CDK5RAP2: variants seen among roughly 807,000 people sequenced by gnomAD.
CDK5RAP2 encodes the protein CDK5 regulatory subunit associated protein 2.
CDK5RAP2 carries 147 observed loss-of-function variants against 232.9 expected under a neutral mutation model. The ratio of observed to expected loss-of-function variants is 0.63; its 90% CI spans 0.55 to 0.72. CDK5RAP2 has a LOEUF of 0.72. CDK5RAP2 is among the 30% of genes least tolerant of loss of function. CDK5RAP2 has a pLI of 0.00. For synonymous variants in CDK5RAP2, 833 were observed against 833.7 expected (o/e 1.00, Z 0.01); for missense variants, 2,195 against 2,231.5 (o/e 0.98, Z 0.33).
chr9:120,566,393 G>C (rs1303788954), intron 3 of CDK5RAP2, among the ~76,000 whole-genome samples: 1 of 152,112 alleles, frequency 6.6e-6, no homozygotes, highest in East Asian at 1.9e-4. Context: ...AAGGACTACA[G>C]TCATAAAGAA....
intron 1 of CDK5RAP2, among the ~76,000 whole-genome samples, chr9:120,575,799 T>A (rs913673398): frequency 2.0e-5 from 3 of 152,190 alleles, no homozygotes; most frequent in Non-Finnish European, 4.4e-5. Flanking sequence ...TGTTTTTACA[T>A]AGATAGTTTC....
Position 120,514,577 on chromosome 9 carries a change from T to C in CDK5RAP2, c.1311+3850A>G, listed in dbSNP as rs142906730. On this transcript the variant is annotated intron_variant, in intron 12 of 37. Transcript: ENST00000349780. ...AGTCCAGCCACTTGGAACTGTAGTA[T>C]GGATGCAAGAAAAAGAAGCCAGCTC... Among the ~76,000 whole-genome samples the C allele has an allele frequency of 1.8e-3, 276 of 152,306 alleles. 2 individuals are homozygous for C. The highest frequency in any genetic ancestry group is 1.7e-3 in the Non-Finnish European group (114 of 68,030).
chr9:120,488,973 C>T (rs893524221), intron 13 of CDK5RAP2, among the ~76,000 whole-genome samples: 5 of 152,198 alleles, frequency 3.3e-5, no homozygotes, highest in African/African-American at 1.2e-4. Flanking sequence ...GTTATTCTCT[C>T]CCATTTGGTG....
intron 8 of CDK5RAP2, 70 bp from the exon 9 acceptor site, chr9:120,528,867 T>A: frequency 9.2e-7 from 1 of 1,084,060 alleles, no homozygotes; most frequent in African/African-American, 1.5e-5. Context: ...ACAATTAGAA[T>A]GAGCACGTCC....
chr9:120,441,039 AG>A (rs1441117582), intron 23 of CDK5RAP2, among the ~76,000 whole-genome samples: 1 of 152,186 alleles, frequency 6.6e-6, no homozygotes, highest in Admixed American at 6.5e-5. Context: ...AAGAATATGA[AG>A]TTTGAAGGCC....
intron 22 of CDK5RAP2, among the ~76,000 whole-genome samples, chr9:120,447,571 C>A (rs1028264794): frequency 6.6e-6 from 1 of 152,240 alleles, no homozygotes; most frequent in Admixed American, 6.5e-5. Context: ...TCTGATGCCA[C>A]ACGCCAGAGG....
chr9:120,513,347 C>G (rs1016936023), intron 12 of CDK5RAP2, among the ~76,000 whole-genome samples: 1 of 152,198 alleles, frequency 6.6e-6, no homozygotes, highest in African/African-American at 2.4e-5. Flanking sequence ...ACTGGCATAG[C>G]CAACCCTACC....
At chr9:120,421,761 T>C (rs1015113357) in intron 26 of CDK5RAP2, among the ~76,000 whole-genome samples, 2 of 152,222 alleles carry the variant, frequency 1.3e-5, no homozygotes, top group Non-Finnish European at 2.9e-5. Flanking sequence ...GCCAGCAACT[T>C]GGAGCTGGAG....
chr9:120,430,875 A>G (rs1202023322), intron 25 of CDK5RAP2, among the ~76,000 whole-genome samples: 2 of 152,360 alleles, frequency 1.3e-5, no homozygotes, highest in East Asian at 1.9e-4. Flanking sequence ...ATGTCCAACA[A>G]TGATAGACTG....
intron 12 of CDK5RAP2, among the ~76,000 whole-genome samples, chr9:120,492,549 T>C (rs139267890): frequency 6.6e-6 from 1 of 152,068 alleles, no homozygotes; most frequent in Admixed American, 6.6e-5. Flanking sequence ...AAAAATCCCA[T>C]AAAACTGAAA....
intron 21 of CDK5RAP2, among the ~76,000 whole-genome samples, chr9:120,449,357 A>G (rs565480482): frequency 1.2e-3 from 181 of 152,318 alleles, no homozygotes; most frequent in African/African-American, 4.3e-3. Context: ...TGTCCCCTAC[A>G]TATCCCCTCA....
At chr9:120,578,301 G>A (rs2043110680) in intron 1 of CDK5RAP2, among the ~76,000 whole-genome samples, 1 of 152,126 alleles carries the variant, frequency 6.6e-6, no homozygotes, top group Non-Finnish European at 1.5e-5. Context: ...TTTTCAAATT[G>A]TAGTATAAAA....
chr9:120,579,082 T>A (rs1192074880), intron 1 of CDK5RAP2, among the ~76,000 whole-genome samples: 2 of 152,156 alleles, frequency 1.3e-5, no homozygotes, highest in African/African-American at 2.4e-5. Flanking sequence ...TTGCGCTCTG[T>A]TAGGCCTTCC....
At chr9:120,418,022 T>C (rs2034339431) in intron 27 of CDK5RAP2, among the ~76,000 whole-genome samples, 2 of 152,190 alleles carry the variant, frequency 1.3e-5, no homozygotes, top group Admixed American at 6.5e-5. Flanking sequence ...TGATGTTATG[T>C]AATAACATGT....
At chr9:120,400,959 T>G in intron 34 of CDK5RAP2, 74 bp from the exon 35 acceptor site, 1 of 1,546,788 alleles carries the variant, frequency 6.5e-7, no homozygotes, top group Non-Finnish European at 8.9e-7. Context: ...TAACATGCAG[T>G]ATAAATCTCC....
intron 15 of CDK5RAP2, among the ~76,000 whole-genome samples, chr9:120,472,613 CA>C (rs1324211679): frequency 6.6e-6 from 1 of 152,190 alleles, no homozygotes; most frequent in Non-Finnish European, 1.5e-5. Context: ...AAAAAAACTC[CA>C]CTGTGGTGGG....
At chr9:120,439,307 G>T in intron 24 of CDK5RAP2, 92 bp downstream of exon 24, 1 of 1,066,310 alleles carries the variant, frequency 9.4e-7, no homozygotes. Flanking sequence ...CCATCACAGA[G>T]TAGTGTTCTC....
At chr9:120,522,878 A>G (rs1025318196) in intron 11 of CDK5RAP2, among the ~76,000 whole-genome samples, 1 of 152,234 alleles carries the variant, frequency 6.6e-6, no homozygotes, top group Non-Finnish European at 1.5e-5. Flanking sequence ...ATTTACAAGT[A>G]TCTGTGCACC....
chr9:120,489,278 C>CT (rs1365740739), intron 13 of CDK5RAP2, among the ~76,000 whole-genome samples: 1 of 152,220 alleles, frequency 6.6e-6, no homozygotes, highest in Admixed American at 6.5e-5. Context: ...TTCAGGTCCT[C>CT]TCTTTATCCC....
Sources: gnomAD v4.1 joint callset for allele counts (sites outside exome capture counted in the v4.1 genomes callset) on GRCh38, gnomAD v4.1.1 for gene constraint, MANE v1.5 for transcripts, NCBI Gene and HGNC (gene_info 2026-07-23, HGNC 2026-07-21) for gene names.